Variants in NTRK3 observed in about 807,000 individuals in gnomAD.
NTRK3 encodes neurotrophic receptor tyrosine kinase 3, also known as NT-3 growth factor receptor.
NTRK3 carries 24 observed loss-of-function variants against 91.7 expected under a neutral mutation model. The ratio of observed to expected loss-of-function variants is 0.26; its 90% CI spans 0.19 to 0.37. The LOEUF is 0.37. NTRK3 is among the 10% of genes least tolerant of loss of function. The pLI, the probability that NTRK3 is intolerant of heterozygous loss-of-function variation, is 1.00. For missense variants in NTRK3, 880 were observed against 1,068.9 expected (o/e 0.82, Z 2.46); for synonymous variants, 483 against 404.0 (o/e 1.20, Z -2.34).
chr15:87,877,281 A>G (rs542474279), intron 18 of NTRK3, among the ~76,000 whole-genome samples, 161 bp from the exon 20 acceptor site: 2 of 152,218 alleles, frequency 1.3e-5, no homozygotes, highest in East Asian at 1.9e-4. Flanking sequence ...GCACTGGTAT[A>G]TTTGTCTGTC....
At chr15:87,940,827 G>C (rs757009962) in intron 14 of NTRK3, 74 bp from the exon 15 acceptor site, 151 of 1,606,926 alleles carry the variant, frequency 9.4e-5, no homozygotes, top group Non-Finnish European at 1.2e-4. Flanking sequence ...GAAGAGTACA[G>C]AGGTCTAGCG....
At chr15:87,929,574 T>G in intron 16 of NTRK3, 140 bp from the exon 17 acceptor site, 1 of 1,095,574 alleles carries the variant, frequency 9.1e-7, no homozygotes, top group South Asian at 1.6e-5. Context: ...TGGCTTATTT[T>G]TATCTGCCCC....
intron 3 of NTRK3, among the ~76,000 whole-genome samples, chr15:88,206,664 A>G (rs1371332445): frequency 6.8e-6 from 1 of 147,320 alleles, no homozygotes; most frequent in African/African-American, 2.4e-5. Context: ...TCTCGAAAAA[A>G]AAAAAAAAAA....
chr15:88,140,554 T>G (rs1371044797), intron 6 of NTRK3, among the ~76,000 whole-genome samples: 1 of 152,252 alleles, frequency 6.6e-6, no homozygotes, highest in South Asian at 2.1e-4. Flanking sequence ...CTGTTGTTTA[T>G]GTGAGTCATA....
chr15:88,122,957 C>T lies in NTRK3; in HGVS notation c.1396+3314G>A, dbSNP rs4887366. Among the ~76,000 whole-genome samples the T allele has an allele frequency of 4.8e-3, 732 of 152,272 alleles. 2 individuals are homozygous for T. The highest frequency in any genetic ancestry group is 7.5e-3 in the Non-Finnish European group (513 of 68,030). On this transcript the variant is annotated intron_variant, in intron 13 of 18. Coordinates refer to ENST00000394480, the Ensembl canonical transcript of NTRK3. ...GATCTGTGATTTCTGCCATAGGTCGCTCCTGGTCAAGTAGGACAGACATAT... is the reference window on the plus strand; with the variant it reads ...GATCTGTGATTTCTGCCATAGGTCGTTCCTGGTCAAGTAGGACAGACATAT...
At chr15:87,919,621 A>G (rs188875316) in intron 17 of NTRK3, among the ~76,000 whole-genome samples, 389 of 152,356 alleles carry the variant, frequency 2.6e-3, no homozygotes, top group Non-Finnish European at 4.2e-3. Context: ...GATAGCAATA[A>G]TTAGATAATC....
chr15:88,138,766 A>T (rs1463154795), intron 6 of NTRK3, among the ~76,000 whole-genome samples: 6 of 152,236 alleles, frequency 3.9e-5, no homozygotes, highest in Admixed American at 3.9e-4. Context: ...CACTACTGGC[A>T]TCACTTTAAA....
At chr15:88,071,324 GA>G (rs2047072050) in intron 13 of NTRK3, among the ~76,000 whole-genome samples, 1 of 152,244 alleles carries the variant, frequency 6.6e-6, no homozygotes, top group Non-Finnish European at 1.5e-5. Flanking sequence ...CTTCCTTCCT[GA>G]GCACAAGCTG....
chr15:87,989,187 T>C (rs1166354533), intron 14 of NTRK3, among the ~76,000 whole-genome samples: 4 of 152,228 alleles, frequency 2.6e-5, no homozygotes, highest in African/African-American at 4.8e-5. Context: ...CATGCTGCTA[T>C]AAAGACACAT....
intron 14 of NTRK3, among the ~76,000 whole-genome samples, chr15:87,992,908 CT>C (rs1211399948): frequency 1.3e-5 from 2 of 152,158 alleles, no homozygotes; most frequent in Non-Finnish European, 2.9e-5. Context: ...CAATTGAAGT[CT>C]TGTTTTTTCA....
intron 13 of NTRK3, among the ~76,000 whole-genome samples, chr15:88,061,606 C>A (rs1038414755): frequency 6.6e-6 from 1 of 152,238 alleles, no homozygotes; most frequent in Admixed American, 6.5e-5. Context: ...GACACTCACG[C>A]CCCCGCAGGG....
chr15:88,144,118 T>C (rs983187230), intron 6 of NTRK3: 2 of 152,196 alleles, frequency 1.3e-5, no homozygotes, highest in Non-Finnish European at 2.9e-5. Context: ...CTCTGATTCC[T>C]GCTCTGATTT....
At chr15:88,247,005 C>T (rs1325973413) in intron 3 of NTRK3, among the ~76,000 whole-genome samples, 1 of 152,192 alleles carries the variant, frequency 6.6e-6, no homozygotes, top group Admixed American at 6.5e-5. Context: ...CTGGTGGCCA[C>T]CAGGAGTGTA....
rs1567041092 is a variant in NTRK3, at chr15:87,859,806, T to C, written c.*17129A>G. On this transcript the variant is annotated 3_prime_UTR_variant, in exon 19 of 19. Transcript: ENST00000394480. Reference sequence around the variant, plus strand: ...CCCTACATAAACTATGTCAGGAGGATACAGGTCTACACACGATTTCATCAA... The same window carrying C: ...CCCTACATAAACTATGTCAGGAGGACACAGGTCTACACACGATTTCATCAA... 2.2e-5 allele frequency: 4 copies of C among 177,902 alleles called. No homozygotes were observed. The East Asian group carries it at 3.8e-4, about 17-fold the overall frequency. 11.0% of individuals were successfully genotyped at this position (177,902 alleles called of 1,614,324 possible).
At chr15:88,202,991 T>A (rs1371585453) in intron 3 of NTRK3, among the ~76,000 whole-genome samples, 1 of 152,198 alleles carries the variant, frequency 6.6e-6, no homozygotes, top group African/African-American at 2.4e-5. Context: ...ACCTTCCCAC[T>A]TTTTGATGCT....
chr15:88,084,258 C>T (rs1412725481), intron 13 of NTRK3, among the ~76,000 whole-genome samples: 1 of 152,140 alleles, frequency 6.6e-6, no homozygotes, highest in African/African-American at 2.4e-5. Flanking sequence ...TGCCCCCTCA[C>T]TCCCCTGCAC....
At chr15:88,214,402 G>C (rs59751678) in intron 3 of NTRK3, among the ~76,000 whole-genome samples, 3,841 of 152,120 alleles carry the variant, frequency 0.025, 194 homozygotes, top group African/African-American at 0.088. Flanking sequence ...CTCCCTCTGC[G>C]TGTGGCTGGG....
intron 17 of NTRK3, among the ~76,000 whole-genome samples, chr15:87,892,662 T>C (rs938224560): frequency 6.6e-6 from 1 of 152,144 alleles, no homozygotes; most frequent in Non-Finnish European, 1.5e-5. Flanking sequence ...GTAATCATAA[T>C]GATAACTCAA....
At chr15:87,869,988 G>GA (rs2064781371) in exon 19 of NTRK3, 1 of 192,686 alleles carries the variant, frequency 5.2e-6, no homozygotes, top group African/African-American at 2.3e-5. Flanking sequence ...GGGTTTTAGG[G>GA]ATGTTGCATG....
Sources: gnomAD v4.1 joint callset for allele counts (sites outside exome capture counted in the v4.1 genomes callset) on GRCh38, gnomAD v4.1.1 for gene constraint, MANE v1.5 for transcripts, NCBI Gene and HGNC (gene_info 2026-07-23, HGNC 2026-07-21) for gene names.